Variants in PCDHGB1 observed in about 807,000 individuals in gnomAD.
PCDHGB1 encodes the protein protocadherin gamma subfamily B, 1.
In PCDHGB1, 34 loss-of-function variants were observed where a neutral mutation model predicts 56.6. The observed-to-expected ratio is 0.60, with a 90% CI of 0.46 to 0.80. PCDHGB1 has a LOEUF of 0.80. PCDHGB1 is among the 30% of genes least tolerant of loss of function. The pLI is 0.00. For missense variants in PCDHGB1, 1,278 were observed against 1,204.6 expected (o/e 1.06, Z -0.90); for synonymous variants, 561 against 505.9 (o/e 1.11, Z -1.46).
chr5:141,481,208 A>G lies in PCDHGB1; in HGVS notation c.2410-13599A>G, dbSNP rs116577118. On this transcript the variant is annotated intron_variant, in intron 1 of 3. Coordinates refer to ENST00000523390, the MANE Select transcript of PCDHGB1 (RefSeq NM_018922.3). ...GCCAGGCCCAATTTTTTTAAAAAACATGGTAAGGTCTCCCAGCCTTAAAGT... is the reference window on the plus strand; with the variant it reads ...GCCAGGCCCAATTTTTTTAAAAAACGTGGTAAGGTCTCCCAGCCTTAAAGT... 3.5e-3 allele frequency among the ~76,000 whole-genome samples: 528 copies of G among 152,350 alleles called. 2 individuals carry two copies. Among genetic ancestry groups the G allele is most frequent in the African/African-American group, 0.012 (490 of 41,572 alleles).
intron 1 of PCDHGB1, chr5:141,420,142 G>T: frequency 4.3e-6 from 7 of 1,614,004 alleles, no homozygotes; most frequent in Non-Finnish European, 5.9e-6. Flanking sequence ...GGGATCAAAT[G>T]AATCCAGAAT....
At chr5:141,466,094 C>T (rs1462266046) in intron 1 of PCDHGB1, among the ~76,000 whole-genome samples, 1 of 152,040 alleles carries the variant, frequency 6.6e-6, no homozygotes, top group Non-Finnish European at 1.5e-5. Flanking sequence ...TGCACTCCAG[C>T]CTGGGCAACA....
chr5:141,485,980 G>C lies in PCDHGB1; in HGVS notation c.2410-8827G>C, dbSNP rs151239937. 1 of 1,614,020 alleles carries C rather than the reference G, an allele frequency of 6.2e-7. No individual in the cohort carries two copies. The highest frequency in any genetic ancestry group is 1.3e-5 in the African/African-American group (1 of 74,914). The stretch of plus-strand genomic sequence containing the variant: ...TCATCCAGCTCAATGCCTCAGACCC[G>C]GACCTGGGTCCCAGTGGTAACGTCA... On this transcript the variant is annotated intron_variant, in intron 1 of 3. Transcript: ENST00000523390. The surrounding 1 kb of genome is among the most constrained non-coding windows in gnomAD (Gnocchi z 5.7).
At chr5:141,370,362 C>T (rs1766839959) in intron 1 of PCDHGB1, 3 of 1,517,790 alleles carry the variant, frequency 2.0e-6, no homozygotes, top group Non-Finnish European at 2.6e-6. Context: ...CTCCTCTCCT[C>T]GGATTTAGAA....
At chr5:141,370,704 C>T (rs1767132773) in intron 1 of PCDHGB1, 1 of 1,613,760 alleles carries the variant, frequency 6.2e-7, no homozygotes, top group African/African-American at 1.3e-5. Context: ...GACGTGTGTT[C>T]TGGAATTTGA....
At position 141,472,368 on chromosome 5, in the gene PCDHGB1, C is replaced by T. The variant is rs555805048; in HGVS notation, c.2410-22439C>T. ...CATCCTGGCTAACACGGTGAAACCC[C>T]GTCTCCACTAAAAATAGAAAAAATT... is the stretch of plus-strand genomic sequence containing the variant. On this transcript the variant is annotated intron_variant, in intron 1 of 3. Transcript: ENST00000523390. Among the ~76,000 whole-genome samples, 214 of 152,012 alleles carry T rather than the reference C, an allele frequency of 1.4e-3. 1 individual carries two copies. The highest frequency in any genetic ancestry group is 4.8e-3 in the African/African-American group (199 of 41,452).
At position 141,421,347 on chromosome 5, in the gene PCDHGB1, C is replaced by T. The variant is rs147068995; in HGVS notation, c.2409+68678C>T. 359 of 1,613,948 alleles carry T rather than the reference C, an allele frequency of 2.2e-4. 2 individuals carry two copies. In the East Asian group the frequency reaches 6.5e-3, roughly 29 times the overall value. On this transcript the variant is annotated intron_variant, in intron 1 of 3. Coordinates refer to ENST00000523390, the MANE Select transcript of PCDHGB1 (RefSeq NM_018922.3). ...TCCGATATTCGGTGCCAGAAGAGAC[C>T]GAAAAGGGCTCCTTCGTGGGCAATA...
rs2099394683 is a variant in PCDHGB1, at chr5:141,476,602, C to G, written c.2410-18205C>G. 2.5e-6 allele frequency: 4 copies of G among 1,614,208 alleles called. No individual in the cohort carries two copies. The highest frequency in any genetic ancestry group is 2.2e-5 in the East Asian group (1 of 44,862). Reference sequence around the variant, plus strand: ...TTCCGCTCGAGAGCGCGCACGATCCCGATGTGGGAAGCAACTCTTTACAAA... The same window carrying G: ...TTCCGCTCGAGAGCGCGCACGATCCGGATGTGGGAAGCAACTCTTTACAAA... On this transcript the variant is annotated intron_variant, in intron 1 of 3. Transcript: ENST00000523390. This position sits in a 1 kb window ranked among gnomAD's most constrained non-coding sequence, Gnocchi z 7.6.
chr5:141,370,507 C>T, intron 1 of PCDHGB1: 3 of 1,613,920 alleles, frequency 1.9e-6, no homozygotes, highest in Non-Finnish European at 2.5e-6. Context: ...TACGCTATTC[C>T]CGAGGAGCTG....
At chr5:141,360,251 A>G (rs1761497607) in intron 1 of PCDHGB1, 1 of 1,613,914 alleles carries the variant, frequency 6.2e-7, no homozygotes, top group Admixed American at 1.7e-5. Context: ...TCAATTCCAG[A>G]GGAGCTGGCC....
chr5:141,404,641 G>C, intron 1 of PCDHGB1: 2 of 1,614,178 alleles, frequency 1.2e-6, no homozygotes, highest in Non-Finnish European at 1.7e-6. Context: ...CAGAAATCCT[G>C]TACCCTGCCC....
At chr5:141,441,911 T>TGAG in intron 1 of PCDHGB1, 1 of 348,148 alleles carries the variant, frequency 2.9e-6, no homozygotes, top group Non-Finnish European at 5.5e-6. Context: ...GACGCAGATG[T>TGAG]GAGACACAAT....
At chr5:141,407,898 A>G in intron 1 of PCDHGB1, 1 of 407,470 alleles carries the variant, frequency 2.5e-6, no homozygotes, top group Non-Finnish European at 4.3e-6. Context: ...CGAATTCAAA[A>G]TGAAAAACCG....
intron 1 of PCDHGB1, among the ~76,000 whole-genome samples, chr5:141,402,058 TA>T: frequency 6.6e-6 from 1 of 152,304 alleles, no homozygotes; most frequent in South Asian, 2.1e-4. Flanking sequence ...ATATTCACAT[TA>T]AAAAACTAAG....
At chr5:141,390,349 T>C in intron 1 of PCDHGB1, 1 of 1,568,926 alleles carries the variant, frequency 6.4e-7, no homozygotes, top group South Asian at 1.2e-5. Flanking sequence ...CAAGAAAATA[T>C]ACATATTTGC....
In PCDHGB1 at chr5:141,489,104, A is replaced by C; in HGVS notation, c.2410-5703A>C. The stretch of plus-strand genomic sequence containing the variant: ...CCACTCGGTGACTAAGAACTGCTGC[A>C]AGCAGGCAAACCTCCGAGCAGTTTT... On this transcript the variant is annotated intron_variant, in intron 1 of 3. Coordinates refer to ENST00000523390, the MANE Select transcript of PCDHGB1 (RefSeq NM_018922.3). The surrounding 1 kb of genome is among the most constrained non-coding windows in gnomAD (Gnocchi z 4.5). 2.5e-6 allele frequency: 1 copy of C among 405,816 alleles called. No individual in the cohort carries two copies. Among genetic ancestry groups the C allele is most frequent in the Non-Finnish European group, 4.3e-6 (1 of 232,372 alleles). 25.1% of individuals were successfully genotyped at this position (405,816 alleles called of 1,614,324 possible). A position where few individuals can be genotyped will look rare whatever the true frequency, so the allele number is the denominator to read the frequency against.
At chr5:141,388,594 A>G in intron 1 of PCDHGB1, 1 of 1,613,936 alleles carries the variant, frequency 6.2e-7, no homozygotes, top group Non-Finnish European at 8.5e-7. Context: ...GATGCCAATG[A>G]TAATGCTCCA....
At chr5:141,498,105 G>A (rs150297456) in intron 2 of PCDHGB1, among the ~76,000 whole-genome samples, 4 of 152,206 alleles carry the variant, frequency 2.6e-5, no homozygotes, top group African/African-American at 9.7e-5. Flanking sequence ...TGGTGTGGGC[G>A]TATAATAGGG....
intron 1 of PCDHGB1, chr5:141,394,332 A>T (rs1270394666): frequency 1.9e-6 from 3 of 1,614,010 alleles, no homozygotes; most frequent in Non-Finnish European, 2.5e-6. Flanking sequence ...GTATATCTCC[A>T]TCAACTCTGA....
Sources: allele counts gnomAD v4.1 joint callset (sites outside exome capture counted in the v4.1 genomes callset), GRCh38; gene constraint gnomAD v4.1.1; non-coding constraint Gnocchi (gnomAD v3.1); transcripts MANE v1.5; gene names NCBI Gene and HGNC (gene_info 2026-07-23, HGNC 2026-07-21).